The following STAG1 variants were observed in gnomAD, a reference collection of about 807,000 sequenced individuals.
The protein encoded by STAG1 is cohesin subunit SA-1.
In STAG1, 26 loss-of-function variants were observed where a neutral mutation model predicts 170.9. The observed-to-expected ratio is 0.15, with a 90% CI of 0.11 to 0.21. The LOEUF is 0.21. Ranked by LOEUF, STAG1 falls within the 10% of genes least tolerant of loss-of-function variation. The pLI is 1.00. For synonymous variants in STAG1, 514 were observed against 497.7 expected (o/e 1.03, Z -0.44); for missense variants, 964 against 1,509.5 (o/e 0.64, Z 5.99).
rs538456057 is a variant in STAG1 at position 136,531,702 on chromosome 3, T to A, written c.472-10285A>T. Among the ~76,000 whole-genome samples, 938 of 147,048 alleles carry A rather than the reference T, an allele frequency of 6.4e-3. 15 individuals are homozygous for A. Among genetic ancestry groups the A allele is most frequent in the African/African-American group, 0.021 (839 of 39,490 alleles). Reference sequence around the variant, plus strand: ...GCATATTCTCACTCATAGGTGGGAATTGAACAATGAGATCACATGGACACA... The same window carrying A: ...GCATATTCTCACTCATAGGTGGGAAATGAACAATGAGATCACATGGACACA... On this transcript the variant is annotated intron_variant, in intron 6 of 33. Coordinates refer to ENST00000383202, the MANE Select transcript of STAG1 (RefSeq NM_005862.3).
In STAG1 at chr3:136,521,437, C is replaced by T. The variant is rs749460766; in HGVS notation, c.472-20G>A. 6.9e-6 allele frequency: 11 copies of T among 1,605,556 alleles called. No homozygotes were observed. The highest frequency in any genetic ancestry group is 9.4e-6 in the Non-Finnish European group (11 of 1,172,954). ...ACTGTCCTAAAAAACAGAAAAAGAA[C>T]ATATTAAGTATGTCACATTACAGAG... On this transcript the variant is annotated intron_variant, in intron 6 of 33. Coordinates refer to ENST00000383202, the MANE Select transcript of STAG1 (RefSeq NM_005862.3).
chr3:136,426,903 C>T (rs538168539), intron 16 of STAG1, among the ~76,000 whole-genome samples: 4 of 152,128 alleles, frequency 2.6e-5, no homozygotes, highest in Admixed American at 2.6e-4. Flanking sequence ...CCTGCCTCTA[C>T]TAAAAATACA....
intron 5 of STAG1, among the ~76,000 whole-genome samples, chr3:136,560,989 T>C (rs1936816726): frequency 6.6e-6 from 1 of 152,070 alleles, no homozygotes; most frequent in Non-Finnish European, 1.5e-5. Flanking sequence ...CCACTTCAGG[T>C]CAATTTTTAA....
chr3:136,424,661 A>G (rs2088061528), intron 16 of STAG1, among the ~76,000 whole-genome samples: 1 of 152,074 alleles, frequency 6.6e-6, no homozygotes, highest in Non-Finnish European at 1.5e-5. Context: ...GGCACTCTAC[A>G]TACATGAACT....
intron 1 of STAG1, among the ~76,000 whole-genome samples, chr3:136,714,494 C>T (rs1413850998): frequency 4.0e-5 from 6 of 151,258 alleles, no homozygotes; most frequent in African/African-American, 9.7e-5. Context: ...TTTGGGAGGC[C>T]GAGGCAGGTG....
intron 9 of STAG1, among the ~76,000 whole-genome samples, chr3:136,486,743 C>G (rs2090020815): frequency 6.6e-6 from 1 of 152,028 alleles, no homozygotes; most frequent in Non-Finnish European, 1.5e-5. Context: ...CCAACTAACT[C>G]TTAGAGTTAG....
intron 5 of STAG1, among the ~76,000 whole-genome samples, chr3:136,556,000 G>T (rs1241866993): frequency 1.3e-5 from 2 of 152,034 alleles, no homozygotes; most frequent in Non-Finnish European, 2.9e-5. Flanking sequence ...ACCAAACCTA[G>T]CAATAATTTA....
intron 1 of STAG1, among the ~76,000 whole-genome samples, chr3:136,677,606 G>T (rs1049590315): frequency 3.3e-5 from 5 of 152,174 alleles, no homozygotes; most frequent in Middle Eastern, 3.4e-3. Context: ...AACATGAATG[G>T]AATTAGTGCC....
intron 15 of STAG1, among the ~76,000 whole-genome samples, chr3:136,440,882 G>A (rs762106076): frequency 1.3e-5 from 2 of 152,034 alleles, no homozygotes; most frequent in Non-Finnish European, 2.9e-5. Context: ...CCAACCACTT[G>A]GGAGGCTGAG....
intron 1 of STAG1, among the ~76,000 whole-genome samples, chr3:136,711,060 A>T (rs112157751): frequency 1.8e-4 from 26 of 148,506 alleles, no homozygotes; most frequent in East Asian, 1.2e-3. Context: ...CAAAAAGAAA[A>T]ATATATATAT....
chr3:136,615,620 T>C (rs1361795556), intron 3 of STAG1, among the ~76,000 whole-genome samples: 1 of 150,290 alleles, frequency 6.7e-6, no homozygotes. Context: ...CTACTAAAAA[T>C]ACAAAAAATT....
At chr3:136,430,607 T>C (rs1448346321) in intron 16 of STAG1, among the ~76,000 whole-genome samples, 3 of 137,372 alleles carry the variant, frequency 2.2e-5, no homozygotes, top group Non-Finnish European at 4.6e-5. Context: ...ACACTACCAC[T>C]AACGATAGCT....
chr3:136,750,404 G>A (rs1224824746), intron 1 of STAG1, among the ~76,000 whole-genome samples: 1 of 152,052 alleles, frequency 6.6e-6, no homozygotes, highest in Non-Finnish European at 1.5e-5. Flanking sequence ...TTCGGTCCAG[G>A]ACCCACTCCT....
intron 1 of STAG1, among the ~76,000 whole-genome samples, chr3:136,686,794 T>A (rs926902604): frequency 1.3e-5 from 2 of 152,204 alleles, no homozygotes; most frequent in African/African-American, 4.8e-5. Context: ...CCATGTGTAG[T>A]AAGTAGAGGC....
Position 136,342,428 on chromosome 3 carries a change from C to G in STAG1, c.3447-877G>C, listed in dbSNP as rs545813318. ...CTGCCTCCCAGGCTCCAGTGCTGCT[C>G]TCACCTCAGCCTTCCGAGTAGCTGG... On this transcript the variant is annotated intron_variant, in intron 30 of 33. Coordinates refer to ENST00000383202, the MANE Select transcript of STAG1 (RefSeq NM_005862.3). Among the ~76,000 whole-genome samples the G allele has an allele frequency of 3.9e-5, 6 of 151,922 alleles. No individual in the cohort carries two copies. The South Asian group carries it at 1.0e-3, about 26-fold the overall frequency.
At position 136,337,175 on chromosome 3, in the gene STAG1, C is replaced by A. The variant is rs1283929749; in HGVS notation, c.*1079G>T. On this transcript the variant is annotated 3_prime_UTR_variant, in exon 34 of 34. Transcript: ENST00000383202. ...TCTAAGCACAGACTTCTATGCAGCACATACTTCTATAATCAGTAAACTTAA... is the reference window on the plus strand; with the variant it reads ...TCTAAGCACAGACTTCTATGCAGCAAATACTTCTATAATCAGTAAACTTAA... The A allele has an allele frequency of 6.6e-6, 1 of 152,648 alleles. No individual in the cohort carries two copies. Among genetic ancestry groups the A allele is most frequent in the East Asian group, 1.9e-4 (1 of 5,204 alleles). The allele number at this position is 152,648 out of a possible 1,614,324, so 9.5% of individuals were successfully genotyped here.
chr3:136,448,666 C>T (rs2107771228), intron 14 of STAG1, among the ~76,000 whole-genome samples: 1 of 152,268 alleles, frequency 6.6e-6, no homozygotes, highest in South Asian at 2.1e-4. Context: ...TGGCTGGGGA[C>T]AGTGCTTCAC....
In STAG1 at chr3:136,595,463, G is replaced by A. The variant is rs888512388; in HGVS notation, c.297+8846C>T. 3.3e-5 allele frequency among the ~76,000 whole-genome samples: 5 copies of A among 151,960 alleles called. No individual in the cohort carries two copies. In the South Asian group the frequency reaches 1.0e-3, roughly 32 times the overall value. On this transcript the variant is annotated intron_variant, in intron 4 of 33. Coordinates refer to ENST00000383202, the MANE Select transcript of STAG1 (RefSeq NM_005862.3). ...GAACTTTCTACTTTGGGAGGCTGAG[G>A]CAGGTGGATCACGAGGTCAGGAGAT... is the stretch of plus-strand genomic sequence containing the variant.
chr3:136,658,909 A>G (rs1181350621), intron 1 of STAG1, among the ~76,000 whole-genome samples: 2 of 152,160 alleles, frequency 1.3e-5, no homozygotes, highest in Non-Finnish European at 2.9e-5. Context: ...AGTACACACC[A>G]CAACCTCCCT....
Sources: gnomAD v4.1 joint callset for allele counts (sites outside exome capture counted in the v4.1 genomes callset) on GRCh38, gnomAD v4.1.1 for gene constraint, MANE v1.5 for transcripts, NCBI Gene and HGNC (gene_info 2026-07-23, HGNC 2026-07-21) for gene names.